The following GPR155 variants were observed in gnomAD, a reference collection of about 807,000 sequenced individuals.
GPR155 encodes the protein G protein-coupled receptor 155, also known as lysosomal cholesterol signaling protein.
GPR155 carries 65 observed loss-of-function variants against 93.1 expected under a neutral mutation model. That is an observed-to-expected ratio of 0.70 (90% confidence interval 0.57 to 0.86). The LOEUF is 0.86. Ranked by LOEUF, GPR155 falls within the 40% of genes least tolerant of loss-of-function variation. The pLI, the probability that GPR155 is intolerant of heterozygous loss-of-function variation, is 0.00. For synonymous variants in GPR155, 319 were observed against 360.1 expected (o/e 0.89, Z 1.29); for missense variants, 838 against 1,034.8 (o/e 0.81, Z 2.61).
At position 174,440,013 on chromosome 2, in the gene GPR155, T is replaced by C; in HGVS notation, c.2197A>G (p.Lys733Glu). Residue 733 changes from lysine to glutamate, a missense_variant, in exon 15 of 16, where the codon AAA (lysine) becomes GAA (glutamate). Coordinates refer to ENST00000392552, the MANE Select transcript of GPR155 (RefSeq NM_152529.7). ...GAATCCCTGTTTTCTGCTGTGTCTT[T>C]ATTGTTCCATAGGAATTCAAGTCTG... Reference protein sequence around the residue: ...KRRLEFLWNNKDTAENRDSPV... With the variant: ...KRRLEFLWNNEDTAENRDSPV... 6.2e-7 allele frequency: 1 copy of C among 1,610,992 alleles called. No homozygotes were observed. The highest frequency in any genetic ancestry group is 8.5e-7 in the Non-Finnish European group (1 of 1,178,644).
At chr2:174,465,174 C>T (rs1204190868) in intron 7 of GPR155, among the ~76,000 whole-genome samples, 1 of 152,210 alleles carries the variant, frequency 6.6e-6, no homozygotes, top group African/African-American at 2.4e-5. Flanking sequence ...GGGTCCTTTT[C>T]TATTTCCATG....
chr2:174,453,426 C>T (rs969073922), intron 11 of GPR155, among the ~76,000 whole-genome samples: 1 of 151,814 alleles, frequency 6.6e-6, no homozygotes, highest in Non-Finnish European at 1.5e-5. Flanking sequence ...TTTGGGAGGC[C>T]GAGGCAGGCA....
intron 14 of GPR155, among the ~76,000 whole-genome samples, chr2:174,440,374 G>T (rs1686920261): frequency 6.6e-6 from 1 of 152,050 alleles, no homozygotes; most frequent in African/African-American, 2.4e-5. Flanking sequence ...GAAATGCAAA[G>T]ATAAATTAGA....
At chr2:174,459,857 A>C in intron 10 of GPR155, 21 bp downstream of exon 10, 1 of 1,551,116 alleles carries the variant, frequency 6.4e-7, no homozygotes, top group South Asian at 1.1e-5. Context: ...ATAAATAAAA[A>C]TAAAATTAAA....
rs142877144 is a variant in GPR155 at position 174,482,283 on chromosome 2, C to T, written c.-31-296G>A. Among the ~76,000 whole-genome samples the T allele has an allele frequency of 6.5e-3, 990 of 152,246 alleles. 5 individuals are homozygous for T. The highest frequency in any genetic ancestry group is 0.018 in the South Asian group (87 of 4,822). Reference sequence around the variant, plus strand: ...TATTAGACATGAGTAAAATAAGATCCGCAAATATTAGAGCTGCAGTGATGC... The same window carrying T: ...TATTAGACATGAGTAAAATAAGATCTGCAAATATTAGAGCTGCAGTGATGC... On this transcript the variant is annotated intron_variant, in intron 1 of 15. Transcript: ENST00000392552.
intron 12 of GPR155, chr2:174,445,380 T>C (rs1225275291): frequency 6.4e-6 from 3 of 467,478 alleles, no homozygotes; most frequent in African/African-American, 4.0e-5. Context: ...CAAACAGTTA[T>C]CTATTCTGAT....
intron 2 of GPR155, among the ~76,000 whole-genome samples, chr2:174,475,017 C>T (rs1366835980): frequency 2.6e-5 from 4 of 152,052 alleles, no homozygotes; most frequent in Admixed American, 6.5e-5. Context: ...GTTTCTCGGC[C>T]GGGCGCGGTG....
intron 2 of GPR155, among the ~76,000 whole-genome samples, chr2:174,474,802 C>T (rs1024898960): frequency 6.6e-6 from 1 of 151,974 alleles, no homozygotes; most frequent in African/African-American, 2.4e-5. Flanking sequence ...GGTTGGTGAC[C>T]TAGTCTTTAG....
At chr2:174,452,026 C>T (rs1363615840) in intron 11 of GPR155, among the ~76,000 whole-genome samples, 1 of 152,034 alleles carries the variant, frequency 6.6e-6, no homozygotes. Flanking sequence ...AAGAAATTTG[C>T]CAAATCAGAT....
intron 10 of GPR155, among the ~76,000 whole-genome samples, chr2:174,457,081 G>A (rs971174696): frequency 6.6e-6 from 1 of 152,168 alleles, no homozygotes; most frequent in East Asian, 1.9e-4. Context: ...GGAGGCTGAC[G>A]CAGGCAGATC....
rs1425317176 is a variant in GPR155 at position 174,439,063 on chromosome 2, C to CTT, written c.2312+834_2312+835insAA. On this transcript the variant is annotated intron_variant, in intron 15 of 15. Transcript: ENST00000392552. ...CAAGCGGCAGTTCAGGAGCTGAGTT[C>CTT]TAGTATTAGTCCACACCCACTGCAG... Among the ~76,000 whole-genome samples the CTT allele has an allele frequency of 2.0e-5, 3 of 152,288 alleles. No individual in the cohort carries two copies. In the East Asian group the frequency reaches 5.8e-4, roughly 29 times the overall value.
At chr2:174,443,079 G>C (rs1351406856) in intron 13 of GPR155, among the ~76,000 whole-genome samples, 1 of 152,178 alleles carries the variant, frequency 6.6e-6, no homozygotes, top group Non-Finnish European at 1.5e-5. Context: ...AATGCAAAAT[G>C]CTAAGTCAGA....
At chr2:174,444,820 C>T (rs1337876182) in intron 13 of GPR155, among the ~76,000 whole-genome samples, 1 of 152,014 alleles carries the variant, frequency 6.6e-6, no homozygotes, top group African/African-American at 2.4e-5. Flanking sequence ...TAAGATCACA[C>T]CAAAGTTACT....
rs1230314454 is a variant in GPR155, at chr2:174,470,550, A to C, written c.866T>G (p.Val289Gly). ...LILLITAKLL[V>G]LPLLCREMVE... ...CATTTCTCTGCACAGAAGTGGCAGCACCAGACTGAAGAAAAAAGAAAAACA... is the reference window on the plus strand; with the variant it reads ...CATTTCTCTGCACAGAAGTGGCAGCCCCAGACTGAAGAAAAAAGAAAAACA... Residue 289 changes from valine to glycine, a missense_variant, in exon 4 of 16, where the codon GTG becomes GGG. By Grantham distance (109) the Val-to-Gly change is moderately radical. Around this residue, in one of 3 missense-constraint regions of GPR155, gnomAD observed 663 missense variants for 790.1 expected, o/e 0.84. Coordinates refer to ENST00000392552, the MANE Select transcript of GPR155 (RefSeq NM_152529.7). 1 of 1,611,768 alleles carries C rather than the reference A, an allele frequency of 6.2e-7. No individual in the cohort carries two copies. The highest frequency in any genetic ancestry group is 8.5e-7 in the Non-Finnish European group (1 of 1,179,208).
rs764188822 is a variant in GPR155 at position 174,470,399 on chromosome 2, T to C, written c.1017A>G (p.Glu339=). 3.7e-6 allele frequency: 6 copies of C among 1,612,740 alleles called. No individual in the cohort carries two copies. The highest frequency in any genetic ancestry group is 1.3e-5 in the African/African-American group (1 of 74,914). Residue 339 remains glutamate, a synonymous_variant, in exon 4 of 16, where the codon GAA becomes GAG. Transcript: ENST00000392552. The part of the protein sequence containing the change: ...VAIFATQFNM[E]VEIITSGMVI... ...AGTACTATATACATACAATTTCTAC[T>C]TCCATGTTGAATTGTGTTGCAAAGA...
In GPR155 at chr2:174,436,316, A is replaced by T. The variant is rs1256072261; in HGVS notation, c.2413T>A (p.Tyr805Asn). ...CCCCCTTGTACCAGCCTGTCTCCGT[A>T]TATCACAGCTTCACCACGGTCGGAG... is the stretch of plus-strand genomic sequence containing the variant. ...LASDRGEAVI[Y>N]GDRLVQGGVI... The change falls in exon 16 of 16, where the codon TAC becomes AAC. Residue 805 changes from tyrosine (Y) to asparagine (N), a missense_variant. Physicochemically the swap from Tyr to Asn is moderately radical, Grantham distance 143 (BLOSUM62 -2). Around this residue, in one of 3 missense-constraint regions of GPR155, gnomAD observed 146 missense variants for 177.5 expected, o/e 0.82. Coordinates refer to ENST00000392552, the MANE Select transcript of GPR155 (RefSeq NM_152529.7). 6.2e-7 allele frequency: 1 copy of T among 1,614,032 alleles called. No individual in the cohort carries two copies. The highest frequency in any genetic ancestry group is 1.3e-5 in the African/African-American group (1 of 74,934).
At chr2:174,460,363 C>T (rs1157564806) in intron 9 of GPR155, among the ~76,000 whole-genome samples, 3 of 151,682 alleles carry the variant, frequency 2.0e-5, no homozygotes, top group Non-Finnish European at 2.9e-5. Context: ...AGGGTTTCAC[C>T]GTGTTAGCCA....
Position 174,434,397 on chromosome 2 carries a change from G to A in GPR155, c.*1719C>T, listed in dbSNP as rs1480308146. On this transcript the variant is annotated 3_prime_UTR_variant, in exon 16 of 16. Transcript: ENST00000392552. ...AAACACAGAAATGATACATCATATG[G>A]CAATAATTTTGTTGATAAAATTCAA... is the stretch of plus-strand genomic sequence containing the variant. 1 of 151,686 alleles carries A rather than the reference G, an allele frequency of 6.6e-6. No individual in the cohort carries two copies. Among genetic ancestry groups the A allele is most frequent in the African/African-American group, 2.4e-5 (1 of 41,382 alleles). 9.4% of individuals were successfully genotyped at this position (151,686 alleles called of 1,614,324 possible).
intron 7 of GPR155, among the ~76,000 whole-genome samples, chr2:174,464,570 T>G (rs572040148): frequency 6.6e-6 from 1 of 151,900 alleles, no homozygotes; most frequent in Admixed American, 6.6e-5. Flanking sequence ...CTTCTTTGAA[T>G]AGACTTTGGC....
Sources: gnomAD v4.1 joint callset for allele counts (sites outside exome capture counted in the v4.1 genomes callset) on GRCh38, gnomAD v4.1.1 for gene constraint, gnomAD v4.1.1 regional missense constraint, MANE v1.5 for transcripts, NCBI Gene and HGNC (gene_info 2026-07-23, HGNC 2026-07-21) for gene names.